The following ZNF837 variants were observed in gnomAD, a reference collection of about 807,000 sequenced individuals.
ZNF837 encodes zinc finger protein 837.
For missense variants in ZNF837, 955 were observed against 801.7 expected (o/e 1.19, Z -2.31); for synonymous variants, 475 against 365.2 (o/e 1.30, Z -3.43).
chr19:58,377,639 A>C (rs1020754781), intron 1 of ZNF837, among the ~76,000 whole-genome samples: 1 of 152,326 alleles, frequency 6.6e-6, no homozygotes, highest in South Asian at 2.1e-4. Context: ...CCACATCTCA[A>C]AAAAAGAAAG....
At position 58,381,000 on chromosome 19, in the gene ZNF837, C is replaced by T. The variant is rs1260889299; in HGVS notation, c.-199G>A. 1 of 152,256 alleles carries T rather than the reference C, an allele frequency of 6.6e-6. No homozygotes were observed. The highest frequency in any genetic ancestry group is 1.5e-5 in the Non-Finnish European group (1 of 68,054). 9.4% of individuals were successfully genotyped at this position (152,256 alleles called of 1,614,324 possible). ...CGCCCCGCATGCAGCGCGGAGCCGTCCTCCCGCCACCTCCGGGCCGCCGCG... is the reference window on the plus strand; with the variant it reads ...CGCCCCGCATGCAGCGCGGAGCCGTTCTCCCGCCACCTCCGGGCCGCCGCG... On this transcript the variant is annotated 5_prime_UTR_variant, in exon 1 of 3. Transcript: ENST00000597582.
In ZNF837 at chr19:58,368,519, C is replaced by T; in HGVS notation, c.814G>A (p.Ala272Thr). The change falls in exon 3 of 3, where the codon GCT (alanine) becomes ACT (threonine). Residue 272 changes from alanine to threonine, a missense_variant. Physicochemically the swap from Ala to Thr is moderately conservative, Grantham distance 58 (BLOSUM62 0). Coordinates refer to ENST00000597582, the MANE Select transcript of ZNF837 (RefSeq NM_138466.2). ...VPDPPAQRLY[A>T]CDECGKAFTR... ...AAGGCCTTGCCGCACTCGTCGCAAG[C>T]GTACAGTCGCTGGGCCGGGGGGTCG... 1 of 1,544,998 alleles carries T rather than the reference C, an allele frequency of 6.5e-7. No individual in the cohort carries two copies. The highest frequency in any genetic ancestry group is 8.7e-7 in the Non-Finnish European group (1 of 1,146,036).
At chr19:58,377,231 G>C (rs559279626) in intron 1 of ZNF837, among the ~76,000 whole-genome samples, 6 of 82,544 alleles carry the variant, frequency 7.3e-5, no homozygotes, top group African/African-American at 3.1e-4. Context: ...AAAAAAAAAA[G>C]GCTGGGCGCA....
Position 58,368,078 on chromosome 19 carries a change from A to G in ZNF837, c.1255T>C (p.Tyr419His), listed in dbSNP as rs1751310784. 1 of 1,550,754 alleles carries G rather than the reference A, an allele frequency of 6.4e-7. No homozygotes were observed. Among genetic ancestry groups the G allele is most frequent in the South Asian group, 1.2e-5 (1 of 84,844 alleles). The change falls in exon 3 of 3, where the codon TAC becomes CAC. Residue 419 changes from tyrosine (Y) to histidine (H), a missense_variant. Coordinates refer to ENST00000597582, the MANE Select transcript of ZNF837 (RefSeq NM_138466.2). The part of the protein sequence containing the change: ...HQRTHSSAKP[Y>H]ACPLCEKAFK... ...GCCTTTTCGCACAGTGGGCACGCGT[A>G]GGGCTTGGCGCTGCTGTGAGTGCGC...
intron 1 of ZNF837, among the ~76,000 whole-genome samples, chr19:58,379,630 G>A (rs763897567): frequency 5.9e-5 from 9 of 152,182 alleles, no homozygotes; most frequent in South Asian, 2.1e-4. Flanking sequence ...CTGGGTGCTC[G>A]CCCAGCCTTT....
intron 1 of ZNF837, among the ~76,000 whole-genome samples, chr19:58,371,173 G>A (rs1372245849): frequency 3.3e-5 from 5 of 151,556 alleles, no homozygotes; most frequent in African/African-American, 7.3e-5. Context: ...CCCGGGAGGC[G>A]GAGCTTGCAG....
rs1568565497 is a variant in ZNF837 at position 58,368,969 on chromosome 19, C to T, written c.364G>A (p.Gly122Arg). The T allele has an allele frequency of 2.0e-6, 3 of 1,535,112 alleles. No homozygotes were observed. Among genetic ancestry groups the T allele is most frequent in the Non-Finnish European group, 1.8e-6 (2 of 1,137,606 alleles). Residue 122 changes from glycine (G) to arginine (R), a missense_variant, in exon 3 of 3, where the codon GGG (glycine) becomes AGG (arginine). Transcript: ENST00000597582. ...EGPCRSPARG[G>R]DCSRNSCLAW... ...AGGCAGGAGTTCCTGCTGCAGTCCC[C>T]GCCACGCGCTGGGCTCCTACAGGGG...
At chr19:58,374,265 T>C (rs1179842145) in intron 1 of ZNF837, among the ~76,000 whole-genome samples, 1 of 152,166 alleles carries the variant, frequency 6.6e-6, no homozygotes. Flanking sequence ...CTGTTCACAG[T>C]AGCCAAAATG....
rs1300884237 is a variant in ZNF837, at chr19:58,368,420, C to G, written c.913G>C (p.Gly305Arg). The G allele has an allele frequency of 6.5e-7, 1 of 1,550,356 alleles. No homozygotes were observed. The highest frequency in any genetic ancestry group is 8.7e-7 in the Non-Finnish European group (1 of 1,150,186). The change falls in exon 3 of 3, where the codon GGC (glycine) becomes CGC (arginine). Residue 305 changes from glycine (G) to arginine (R), a missense_variant. Coordinates refer to ENST00000597582, the MANE Select transcript of ZNF837 (RefSeq NM_138466.2). ...GERPYECAECGKAFVRCSGLY... is the reference protein window; with the variant it reads ...GERPYECAECRKAFVRCSGLY... ...CCGGAGCAGCGCACGAAGGCCTTGC[C>G]GCACTCGGCGCACTCGTAGGGCCGC... is the stretch of plus-strand genomic sequence containing the variant.
rs1199446528 is a variant in ZNF837, at chr19:58,369,123, G to A, written c.210C>T (p.Leu70=). ...GGGTCCCCGGGCCGGGGCTCACCCC[G>A]AGGCTGCAGCCCCGGGAGCCCCCGC... ...PPGGGSRGCS[L]GVSPGPGTRH... Residue 70 remains leucine (L), a synonymous_variant, in exon 3 of 3, where the codon CTC becomes CTT. Coordinates refer to ENST00000597582, the MANE Select transcript of ZNF837 (RefSeq NM_138466.2). The A allele has an allele frequency of 1.0e-5, 15 of 1,480,342 alleles. No homozygotes were observed. In the East Asian group the frequency reaches 1.0e-4, roughly 10 times the overall value. The allele number at this position is 1,480,342 out of a possible 1,614,324, so 91.7% of individuals were successfully genotyped here.
Position 58,367,845 on chromosome 19 carries a change from C to A in ZNF837, c.1488G>T (p.Thr496=). The A allele has an allele frequency of 3.3e-6, 5 of 1,535,158 alleles. No individual in the cohort carries two copies. The highest frequency in any genetic ancestry group is 4.4e-6 in the Non-Finnish European group (5 of 1,144,268). The change falls in exon 3 of 3, where the codon ACG becomes ACT. Residue 496 remains threonine (T), a synonymous_variant. Transcript: ENST00000597582. ...ACGCGTAGGGCCGCTCGCCCGTGTG[C>A]GTGCGCAGGTGGCGCACCAGGCTGC... The part of the protein sequence containing the change: ...RNCSLVRHLR[T]HTGERPYACG...
At chr19:58,380,886 G>C (rs569831307) in intron 1 of ZNF837, 55 bp downstream of exon 1, 1 of 152,406 alleles carries the variant, frequency 6.6e-6, no homozygotes, top group South Asian at 2.1e-4. Flanking sequence ...GCTATGCGCC[G>C]GGAGGTCCCC....
intron 1 of ZNF837, among the ~76,000 whole-genome samples, chr19:58,376,600 A>AGAAAAAAG (rs2052249890): frequency 7.0e-6 from 1 of 142,576 alleles, no homozygotes; most frequent in South Asian, 2.2e-4. Flanking sequence ...AAGAAAGAAA[A>AGAAAAAAG]GAAAAAAGGA....
At chr19:58,377,841 C>T (rs2052261858) in intron 1 of ZNF837, among the ~76,000 whole-genome samples, 2 of 152,176 alleles carry the variant, frequency 1.3e-5, no homozygotes, top group South Asian at 4.1e-4. Context: ...GACCATGGAG[C>T]TCTGTCCACA....
In ZNF837 at chr19:58,367,764, C is replaced by T. The variant is rs1397826050; in HGVS notation, c.1569G>A (p.Lys523=). ...AAGGCGCGGCGCGGCCCCCGTGCCG[C>T]TTCCGGTGCTCGTTGAGGTTGGAGC... ...SQRSNLNEHR[K]RHGGRAAP Residue 523 remains lysine, a synonymous_variant, in exon 3 of 3, where the codon AAG becomes AAA. Transcript: ENST00000597582. 1.3e-6 allele frequency: 2 copies of T among 1,534,250 alleles called. No homozygotes were observed. The highest frequency in any genetic ancestry group is 1.7e-6 in the Non-Finnish European group (2 of 1,145,360).
chr19:58,368,545 G>A lies in ZNF837; in HGVS notation c.788C>T (p.Pro263Leu). 1 of 1,527,136 alleles carries A rather than the reference G, an allele frequency of 6.5e-7. No individual in the cohort carries two copies. Among genetic ancestry groups the A allele is most frequent in the East Asian group, 2.5e-5 (1 of 40,730 alleles). The allele number at this position is 1,527,136 out of a possible 1,614,324, so 94.6% of individuals were successfully genotyped here. ...GTACAGTCGCTGGGCCGGGGGGTCGGGGACAATAGGGCGAGGTCGCGAGGT... is the reference window on the plus strand; with the variant it reads ...GTACAGTCGCTGGGCCGGGGGGTCGAGGACAATAGGGCGAGGTCGCGAGGT... ...GQTSRPRPIV[P>L]DPPAQRLYAC... Residue 263 changes from proline to leucine, a missense_variant, in exon 3 of 3, where the codon CCC becomes CTC. Pro to Leu is a moderately conservative substitution (Grantham distance 98). Coordinates refer to ENST00000597582, the MANE Select transcript of ZNF837 (RefSeq NM_138466.2).
chr19:58,372,993 G>A (rs1040436023), intron 1 of ZNF837, among the ~76,000 whole-genome samples: 3 of 152,168 alleles, frequency 2.0e-5, no homozygotes, highest in African/African-American at 4.8e-5. Flanking sequence ...AATAAGCCAG[G>A]GTGACAGTAA....
intron 1 of ZNF837, among the ~76,000 whole-genome samples, chr19:58,380,159 G>A (rs2052278316): frequency 6.6e-6 from 1 of 152,172 alleles, no homozygotes; most frequent in South Asian, 2.1e-4. Context: ...AGGGGACACA[G>A]ACTCTAGCCC....
intron 2 of ZNF837, 41 bp from the exon 3 acceptor site, chr19:58,369,402 G>A (rs1335233446): frequency 2.3e-6 from 3 of 1,315,892 alleles, no homozygotes; most frequent in African/African-American, 1.5e-5. Context: ...CGGTTCCCAG[G>A]AGGAGAGAAG....
Sources: gnomAD v4.1 joint callset for allele counts (sites outside exome capture counted in the v4.1 genomes callset) on GRCh38, gnomAD v4.1.1 for gene constraint, MANE v1.5 for transcripts, NCBI Gene and HGNC (gene_info 2026-07-23, HGNC 2026-07-21) for gene names.